Variants in TSC1 observed in about 807,000 individuals in gnomAD.
The protein encoded by TSC1 is hamartin.
A neutral mutation model predicts 124.3 loss-of-function variants in TSC1; 20 were observed. The observed-to-expected ratio is 0.16, with a 90% CI of 0.11 to 0.23. The LOEUF is 0.23. Ranked by LOEUF, TSC1 falls within the 10% of genes least tolerant of loss-of-function variation. TSC1 has a pLI of 1.00. For missense variants in TSC1, 1,124 were observed against 1,448.5 expected, an observed-to-expected ratio of 0.78 and a Z score of 3.64; for synonymous variants, 493 against 539.1, an observed-to-expected ratio of 0.91 and a Z score of 1.19.
intron 2 of TSC1, among the ~76,000 whole-genome samples, chr9:132,930,471 C>T (rs1009823454): frequency 6.6e-6 from 1 of 151,508 alleles, no homozygotes; most frequent in Non-Finnish European, 1.5e-5. Flanking sequence ...GCCTGTAGTC[C>T]CACCTACTCA....
At chr9:132,904,962 A>G (rs1291657777) in intron 15 of TSC1, among the ~76,000 whole-genome samples, 2 of 152,240 alleles carry the variant, frequency 1.3e-5, no homozygotes, top group Non-Finnish European at 1.5e-5. Flanking sequence ...TCCCTGTCAA[A>G]TTCCACCATA....
intron 9 of TSC1, among the ~76,000 whole-genome samples, 199 bp downstream of exon 9, chr9:132,912,083 C>G (rs1320282443): frequency 6.6e-6 from 1 of 152,078 alleles, no homozygotes; most frequent in Non-Finnish European, 1.5e-5. Flanking sequence ...AATCAGGTAG[C>G]AGACCAAGGA....
chr9:132,931,084 C>T (rs1377543624), intron 2 of TSC1: 3 of 152,168 alleles, frequency 2.0e-5, no homozygotes, highest in African/African-American at 2.4e-5. Context: ...TAGCTAACCC[C>T]CACATTGATT....
intron 19 of TSC1, 139 bp from the exon 20 acceptor site, chr9:132,900,976 C>G: frequency 1.6e-6 from 2 of 1,244,142 alleles, no homozygotes; most frequent in Non-Finnish European, 1.1e-6. Flanking sequence ...TTCACAGTCC[C>G]TGACATAATG....
rs529042203 is a variant in TSC1, at chr9:132,914,665, T to G, written c.738-2208A>C. The stretch of plus-strand genomic sequence containing the variant: ...CTTGAGGCCAAGTTCGAGACCAGCA[T>G]GGGCAACATGGCAAAACCCCATCTT... On this transcript the variant is annotated intron_variant, in intron 8 of 22. Transcript: ENST00000298552. Among the ~76,000 whole-genome samples the G allele has an allele frequency of 3.3e-4, 45 of 138,400 alleles. No individual in the cohort carries two copies. The South Asian group carries it at 9.7e-3, about 30-fold the overall frequency. The allele number at this position is 138,400 out of a possible 152,430, so 90.8% of individuals were successfully genotyped here.
At position 132,925,677 on chromosome 9, in the gene TSC1, C is replaced by A. The variant is rs115097221; in HGVS notation, c.273G>T (p.Ser91=). The part of the protein sequence containing the change: ...GKAATRLSIL[S]LLGHVIRLQP... ...GCAGTCTTATGACATGACCCAGTAA[C>A]GAGAGGATGGATAAACGAGTGGCGG... Residue 91 remains serine, a synonymous_variant, in exon 5 of 23, where the codon TCG becomes TCT. Coordinates refer to ENST00000298552, the MANE Select transcript of TSC1 (RefSeq NM_000368.5). The A allele has an allele frequency of 2.5e-6, 4 of 1,614,156 alleles. No individual in the cohort carries two copies. Among genetic ancestry groups the A allele is most frequent in the Non-Finnish European group, 2.5e-6 (3 of 1,180,024 alleles).
rs1490199228 is a variant in TSC1, at chr9:132,896,615, T to C, written c.3115A>G (p.Ser1039Gly). 3.1e-6 allele frequency: 5 copies of C among 1,613,644 alleles called. No homozygotes were observed. The East Asian group carries it at 8.9e-5, about 29-fold the overall frequency. Reference protein sequence around the residue: ...SSGSRGGGGSSSSSSELSTPE... With the variant: ...SSGSRGGGGSGSSSSELSTPE... ...GTAGAAAGCTCGCTGCTGCTGCTGC[T>C]GCTGCCTCCACCACCTCTGCTTCCA... is the stretch of plus-strand genomic sequence containing the variant. Residue 1039 changes from serine (S) to glycine (G), a missense_variant, in exon 23 of 23, where the codon AGC (serine) becomes GGC (glycine). Physicochemically the swap from Ser to Gly is moderately conservative, Grantham distance 56. Around this residue, in one of 5 missense-constraint regions of TSC1, gnomAD observed 325 missense variants for 383.4 expected, o/e 0.85. Transcript: ENST00000298552. This position sits in a 1 kb window ranked among gnomAD's most constrained non-coding sequence, Gnocchi z 4.5.
intron 4 of TSC1, 101 bp from the exon 5 acceptor site, chr9:132,925,840 T>G: frequency 3.4e-6 from 5 of 1,462,770 alleles, no homozygotes; most frequent in Non-Finnish European, 4.8e-6. Flanking sequence ...GTCTTGTCTC[T>G]AATGTAAAGC....
rs1051221056 is a variant in TSC1, at chr9:132,891,728, A to G, written c.*4507T>C. 4.3e-6 allele frequency: 1 copy of G among 233,598 alleles called. No homozygotes were observed. The highest frequency in any genetic ancestry group is 5.6e-5 in the Admixed American group (1 of 17,776). 14.5% of individuals were successfully genotyped at this position (233,598 alleles called of 1,614,324 possible). On this transcript the variant is annotated 3_prime_UTR_variant, in exon 23 of 23. Transcript: ENST00000298552. ...AGCAAAATCTGTTCCTCCGTAATAT[A>G]TTTGTGGTCCATAGAAGTCTTCTGA... is the stretch of plus-strand genomic sequence containing the variant.
intron 1 of TSC1, among the ~76,000 whole-genome samples, chr9:132,937,731 A>G (rs1290073380): frequency 1.3e-5 from 2 of 152,110 alleles, no homozygotes; most frequent in Admixed American, 6.5e-5. Flanking sequence ...TTTTTGAGAT[A>G]GAGCCCTGCT....
intron 1 of TSC1, among the ~76,000 whole-genome samples, chr9:132,936,836 T>C (rs1847476779): frequency 1.3e-5 from 2 of 152,224 alleles, no homozygotes; most frequent in Admixed American, 6.5e-5. Flanking sequence ...TCATATACTA[T>C]GGACACCTAA....
At chr9:132,919,118 T>A (rs146683883) in intron 8 of TSC1, among the ~76,000 whole-genome samples, 56 of 152,344 alleles carry the variant, frequency 3.7e-4, no homozygotes, top group African/African-American at 1.3e-3. Flanking sequence ...GGTACTGTAC[T>A]AAAGACTGCA....
intron 8 of TSC1, among the ~76,000 whole-genome samples, chr9:132,913,825 CAA>C (rs374309550): frequency 3.0e-5 from 1 of 33,632 alleles, no homozygotes; most frequent in Admixed American, 3.6e-4. Context: ...GACTCCGTCT[CAA>C]AAAAAAAAAA....
rs766039526 is a variant in TSC1 at position 132,902,563 on chromosome 9, G to A, written c.2391+42C>T. On this transcript the variant is annotated intron_variant, in intron 18 of 22. Coordinates refer to ENST00000298552, the MANE Select transcript of TSC1 (RefSeq NM_000368.5). The surrounding 1 kb of genome is among the most constrained non-coding windows in gnomAD (Gnocchi z 5.2). ...ACTGCCTCCCTCCCCACTGCTCTCC[G>A]GCATTCTCGCAGTTGGCTTTGCCTG... is the stretch of plus-strand genomic sequence containing the variant. 10 of 1,611,538 alleles carry A rather than the reference G, an allele frequency of 6.2e-6. No homozygotes were observed. The highest frequency in any genetic ancestry group is 4.0e-5 in the African/African-American group (3 of 74,984).
chr9:132,944,876 G>A (rs1206708504), upstream of TSC1: 2 of 340,200 alleles, frequency 5.9e-6, no homozygotes, highest in African/African-American at 2.1e-5. Flanking sequence ...TTGTGACTCC[G>A]CGAAGGAGGC....
chr9:132,938,753 C>T (rs1008357458), intron 1 of TSC1, among the ~76,000 whole-genome samples: 2 of 152,118 alleles, frequency 1.3e-5, no homozygotes, highest in African/African-American at 4.8e-5. Flanking sequence ...ACACACAAAC[C>T]TTTTGAAAAT....
intron 12 of TSC1, among the ~76,000 whole-genome samples, chr9:132,909,065 C>T (rs561229088): frequency 4.6e-5 from 7 of 151,994 alleles, no homozygotes; most frequent in African/African-American, 1.4e-4. Flanking sequence ...CCACCATACC[C>T]GGCTAATGTC....
At position 132,921,292 on chromosome 9, in the gene TSC1, G is replaced by A; in HGVS notation, c.737+71C>T. On this transcript the variant is annotated intron_variant, in intron 8 of 22. Transcript: ENST00000298552. This position sits in a 1 kb window ranked among gnomAD's most constrained non-coding sequence, Gnocchi z 4.3. Reference sequence around the variant, plus strand: ...CTATATTCCCAAATATACCTCAACAGGGATTACCTCCTAGATCACATTTTC... The same window carrying A: ...CTATATTCCCAAATATACCTCAACAAGGATTACCTCCTAGATCACATTTTC... 1 of 1,504,548 alleles carries A rather than the reference G, an allele frequency of 6.6e-7. No individual in the cohort carries two copies. 93.2% of individuals were successfully genotyped at this position (1,504,548 alleles called of 1,614,324 possible).
At chr9:132,929,054 G>T in intron 2 of TSC1, 102 bp from the exon 3 acceptor site, 2 of 1,055,464 alleles carry the variant, frequency 1.9e-6, no homozygotes, top group Non-Finnish European at 2.7e-6. Flanking sequence ...CAATGCAATG[G>T]AAAGTTTGGC....
Sources: allele counts gnomAD v4.1 joint callset (sites outside exome capture counted in the v4.1 genomes callset), GRCh38; gene constraint gnomAD v4.1.1; regional missense constraint gnomAD v4.1.1; non-coding constraint Gnocchi (gnomAD v3.1); transcripts MANE v1.5; gene names NCBI Gene and HGNC (gene_info 2026-07-23, HGNC 2026-07-21).